LPA: variants seen among roughly 807,000 people sequenced by gnomAD.
LPA encodes lipoprotein(a).
In LPA, 199 loss-of-function variants were observed where a neutral mutation model predicts 197.9. The ratio of observed to expected loss-of-function variants is 1.01; its 90% confidence interval spans 0.90 to 1.13. LPA has a LOEUF of 1.13. Among genes scored for constraint, LPA ranks in the 50% most tolerant of loss-of-function variants. The pLI, the probability that LPA is intolerant of heterozygous loss-of-function variation, is 0.00. For synonymous variants in LPA, 715 were observed against 639.5 expected (o/e 1.12, Z -1.78); for missense variants, 1,853 against 1,785.8 (o/e 1.04, Z -0.68).
intron 12 of LPA, among the ~76,000 whole-genome samples, chr6:160,620,904 TTGTGTGTG>T (rs768320991): frequency 2.7e-5 from 1 of 36,856 alleles, no homozygotes; most frequent in Non-Finnish European, 4.6e-5. Context: ...TGTTTTCAGT[TTGTGTGTG>T]TGTGTGTGTG....
intron 16 of LPA, among the ~76,000 whole-genome samples, chr6:160,607,343 C>T (rs903710733): frequency 6.6e-6 from 1 of 152,158 alleles, no homozygotes; most frequent in African/African-American, 2.4e-5. Context: ...TGCAGCATCT[C>T]TAGAATGGGT....
At chr6:160,610,163 T>A (rs1369783389) in intron 16 of LPA, among the ~76,000 whole-genome samples, 2 of 152,116 alleles carry the variant, frequency 1.3e-5, no homozygotes, top group Non-Finnish European at 2.9e-5. Flanking sequence ...CACACGAAAT[T>A]CTTTTCTACA....
Position 160,594,082 on chromosome 6 carries a change from A to G in LPA, c.3505T>C (p.Tyr1169His). Residue 1169 changes from tyrosine (Y) to histidine (H), a missense_variant, in exon 22 of 39, where the codon TAC becomes CAC. Transcript: ENST00000316300. ...CGATAACTCTGTCCATCACCATGGT[A>G]GCAATCCTGGACCCCGGGGCTTTGC... The part of the protein sequence containing the change: ...TEQSPGVQDC[Y>H]HGDGQSYRGS... 1 of 1,613,944 alleles carries G rather than the reference A, an allele frequency of 6.2e-7. No individual in the cohort carries two copies. Among genetic ancestry groups the G allele is most frequent in the East Asian group, 2.2e-5 (1 of 44,860 alleles).
chr6:160,591,137 G>T (rs963106296), intron 22 of LPA, 36 bp from the exon 23 acceptor site: 11 of 1,611,422 alleles, frequency 6.8e-6, no homozygotes, highest in Non-Finnish European at 8.5e-6. Flanking sequence ...CACCAGAGAT[G>T]GGAGAAGATA....
intron 23 of LPA, 114 bp from the exon 24 acceptor site, chr6:160,589,826 G>C: frequency 8.2e-7 from 1 of 1,219,240 alleles, no homozygotes; most frequent in Admixed American, 1.9e-5. Context: ...ACCATGCTCT[G>C]TTCTACATTA....
At chr6:160,595,568 G>T (rs1030450993) in intron 20 of LPA, 33 bp from the exon 21 acceptor site, 10 of 1,613,616 alleles carry the variant, frequency 6.2e-6, no homozygotes, top group Non-Finnish European at 8.5e-6. Context: ...GGTCACCAGA[G>T]ATGGGAGAAG....
At chr6:160,641,270 T>A (rs1779850459) in intron 4 of LPA, among the ~76,000 whole-genome samples, 2 of 80,638 alleles carry the variant, frequency 2.5e-5, no homozygotes, top group African/African-American at 5.8e-5. Flanking sequence ...TCTCTCTCGG[T>A]AGGACTTCAT....
In LPA at chr6:160,650,262, T is replaced by C. The variant is rs994833986; in HGVS notation, c.209+76A>G. 4 of 1,467,500 alleles carry C rather than the reference T, an allele frequency of 2.7e-6. No homozygotes were observed. The African/African-American group carries it at 5.6e-5, about 20-fold the overall frequency. The allele number at this position is 1,467,500 out of a possible 1,614,324, so 90.9% of individuals were successfully genotyped here. ...GTGAGAAAAATTTAATCATAAGAAGTTAGCTTGACGCACACCTTTTCTAAG... is the reference window on the plus strand; with the variant it reads ...GTGAGAAAAATTTAATCATAAGAAGCTAGCTTGACGCACACCTTTTCTAAG... On this transcript the variant is annotated intron_variant, in intron 2 of 38. Coordinates refer to ENST00000316300, the MANE Select transcript of LPA (RefSeq NM_005577.4).
intron 28 of LPA, among the ~76,000 whole-genome samples, chr6:160,575,237 G>T (rs766789135): frequency 1.3e-5 from 2 of 151,752 alleles, no homozygotes; most frequent in African/African-American, 4.8e-5. Flanking sequence ...ATTGCTTCAG[G>T]CATTTTTTCT....
chr6:160,594,861 A>G (rs1187994723), intron 21 of LPA, among the ~76,000 whole-genome samples: 5 of 152,202 alleles, frequency 3.3e-5, no homozygotes, highest in South Asian at 4.1e-4. Context: ...TTTGTTGGCT[A>G]TGTACTGCTA....
Position 160,601,019 on chromosome 6 carries a change from A to G in LPA, c.3025T>C (p.Trp1009Arg), listed in dbSNP as rs776635313. 2.5e-6 allele frequency: 4 copies of G among 1,613,922 alleles called. No individual in the cohort carries two copies. In the African/African-American group the frequency reaches 5.3e-5, roughly 22 times the overall value. The change falls in exon 19 of 39, where the codon TGG becomes CGG. Residue 1009 changes from tryptophan to arginine, a missense_variant. Trp to Arg is a moderately radical substitution (Grantham distance 101). Transcript: ENST00000316300. ...CATCGTGTCAGGTTGCAGTACTCCC[A>G]CCTGACACTGGGATCTGTTGTATAA... ...WCYTTDPSVR[W>R]EYCNLTRCSD...
At chr6:160,594,895 C>A (rs1160580388) in intron 21 of LPA, among the ~76,000 whole-genome samples, 1 of 152,124 alleles carries the variant, frequency 6.6e-6, no homozygotes. Flanking sequence ...GTATATGGAA[C>A]TAAGAAAAGT....
chr6:160,553,955 G>GTGTGTGTGTGTGCGCA (rs1554231680), intron 30 of LPA, among the ~76,000 whole-genome samples: 3 of 37,856 alleles, frequency 7.9e-5, no homozygotes, highest in South Asian at 9.5e-4. Context: ...GTGTGTGTGT[G>GTGTGTGTGTGTGCGCA]CGCGCGCGCG....
intron 28 of LPA, 74 bp from the exon 29 acceptor site, chr6:160,557,645 T>G (rs1583577054): frequency 1.5e-6 from 2 of 1,335,136 alleles, no homozygotes; most frequent in Non-Finnish European, 2.2e-6. Flanking sequence ...GTCTAAACTT[T>G]GTTATAACAA....
chr6:160,611,767 C>A (rs755575417), intron 15 of LPA, 46 bp from the exon 16 acceptor site: 4 of 1,311,320 alleles, frequency 3.1e-6, no homozygotes, highest in South Asian at 1.2e-5. Flanking sequence ...CTGAGAATAA[C>A]GAAATATGTG....
intron 1 of LPA, among the ~76,000 whole-genome samples, chr6:160,651,031 T>C (rs1269335334): frequency 6.6e-6 from 1 of 152,216 alleles, no homozygotes; most frequent in East Asian, 1.9e-4. Flanking sequence ...CAAATCTTAT[T>C]TCCTTGGAGG....
rs927410548 is a variant in LPA, at chr6:160,603,290, G to A, written c.2945+1756C>T. ...CATGTTTCTAAGCCTGTGCATGTGT[G>A]AGTATGTGTGTATATGTGTGTGTCA... On this transcript the variant is annotated intron_variant, in intron 18 of 38. Coordinates refer to ENST00000316300, the MANE Select transcript of LPA (RefSeq NM_005577.4). Among the ~76,000 whole-genome samples the A allele has an allele frequency of 4.0e-5, 6 of 151,632 alleles. No individual in the cohort carries two copies. In the East Asian group the frequency reaches 1.2e-3, roughly 29 times the overall value.
chr6:160,556,991 C>A (rs1778275475), intron 29 of LPA, among the ~76,000 whole-genome samples: 1 of 152,138 alleles, frequency 6.6e-6, no homozygotes, highest in Non-Finnish European at 1.5e-5. Context: ...CCCAGGATGA[C>A]AAACTCAGCG....
At chr6:160,606,743 G>A in intron 16 of LPA, 85 bp from the exon 17 acceptor site, 1 of 1,548,356 alleles carries the variant, frequency 6.5e-7, no homozygotes, top group Non-Finnish European at 8.9e-7. Flanking sequence ...GCTGCAACAA[G>A]GTCATTACCA....
Sources: gnomAD v4.1 joint callset for allele counts (sites outside exome capture counted in the v4.1 genomes callset) on GRCh38, gnomAD v4.1.1 for gene constraint, MANE v1.5 for transcripts, NCBI Gene and HGNC (gene_info 2026-07-23, HGNC 2026-07-21) for gene names.